The following NRIP1 variants were observed in gnomAD, a reference collection of about 807,000 sequenced individuals.
NRIP1 encodes the protein nuclear receptor-interacting protein 1.
Under a neutral mutation model 75.0 loss-of-function variants are expected in NRIP1, and 28 were observed. The ratio of observed to expected loss-of-function variants is 0.37; its 90% CI spans 0.28 to 0.51. The LOEUF (loss-of-function observed/expected upper bound fraction) is 0.51, where lower values mean the gene tolerates loss of function less well. Among genes scored for constraint, NRIP1 ranks in the 20% least tolerant of loss-of-function variants. The pLI is 0.92. For missense variants in NRIP1, 1,435 were observed against 1,343.7 expected (o/e 1.07, Z -1.06); for synonymous variants, 526 against 487.6 (o/e 1.08, Z -1.04).
chr21:15,047,886 G>A (rs1010982861), intron 1 of NRIP1, among the ~76,000 whole-genome samples: 1 of 152,190 alleles, frequency 6.6e-6, no homozygotes, highest in Admixed American at 6.5e-5. Context: ...CTTCCTCACT[G>A]AGCTTAACCT....
intron 3 of NRIP1, chr21:14,992,726 A>T (rs182533424): frequency 6.6e-6 from 1 of 152,192 alleles, no homozygotes; most frequent in African/African-American, 2.4e-5. Context: ...TGCACTAAAA[A>T]AAAGTCCCTA....
At chr21:14,991,397 A>T (rs568860037) in intron 3 of NRIP1, 1 of 151,616 alleles carries the variant, frequency 6.6e-6, no homozygotes, top group African/African-American at 2.4e-5. Context: ...GCTCAACAAG[A>T]TCCTCTTTGA....
chr21:14,976,003 C>T (rs959100593), intron 3 of NRIP1, among the ~76,000 whole-genome samples: 2 of 152,036 alleles, frequency 1.3e-5, no homozygotes, highest in Non-Finnish European at 2.9e-5. Flanking sequence ...GTGGTATTAT[C>T]CTTCCTACCA....
At chr21:14,979,687 G>GT (rs5842507) in intron 3 of NRIP1, among the ~76,000 whole-genome samples, 57,703 of 151,536 alleles carry the variant, frequency 0.38, 11,544 homozygotes, top group East Asian at 0.6. Context: ...CAGTATGTTT[G>GT]TTTTTTTTAA....
chr21:15,018,412 AG>A (rs2088287493), intron 2 of NRIP1, among the ~76,000 whole-genome samples: 1 of 152,292 alleles, frequency 6.6e-6, no homozygotes, highest in East Asian at 1.9e-4. Context: ...ACAAAGCAAG[AG>A]GTAGAGAGGA....
Position 14,967,906 on chromosome 21 carries a change from G to C in NRIP1, c.287C>G (p.Ala96Gly). The C allele has an allele frequency of 6.2e-7, 1 of 1,614,122 alleles. No individual in the cohort carries two copies. Among genetic ancestry groups the C allele is most frequent in the Non-Finnish European group, 8.5e-7 (1 of 1,180,024 alleles). Residue 96 changes from alanine (A) to glycine (G), a missense_variant, in exon 4 of 4, where the codon GCA becomes GGA. Coordinates refer to ENST00000318948, the MANE Select transcript of NRIP1 (RefSeq NM_003489.4). ...AGAATCAGACAGCCTCTTCCGCTTT[G>C]CTGCATTCCAGTCCTCAGAAGACTG... is the stretch of plus-strand genomic sequence containing the variant. ...LLQSSEDWNA[A>G]KRKRLSDSIM...
chr21:14,966,312 G>C lies in NRIP1; in HGVS notation c.1881C>G (p.Ala627=). 1 of 1,614,066 alleles carries C rather than the reference G, an allele frequency of 6.2e-7. No homozygotes were observed. Among genetic ancestry groups the C allele is most frequent in the Non-Finnish European group, 8.5e-7 (1 of 1,179,974 alleles). The part of the protein sequence containing the change: ...EGAQNSATFS[A]SKLLQNLAQC... ...GTGCTAAATTTTGTAACAGCTTACT[G>C]GCACTAAACGTTGCAGAGTTCTGTG... Residue 627 remains alanine (A), a synonymous_variant, in exon 4 of 4, where the codon GCC becomes GCG. Transcript: ENST00000318948.
intron 2 of NRIP1, among the ~76,000 whole-genome samples, chr21:15,030,944 C>T (rs1326969863): frequency 1.6e-3 from 208 of 127,134 alleles, no homozygotes; most frequent in African/African-American, 5.0e-3. Flanking sequence ...GGAAGGCACT[C>T]AGAGGATCAC....
Position 14,967,805 on chromosome 21 carries a change from T to C in NRIP1, c.388A>G (p.Ser130Gly). The C allele has an allele frequency of 1.9e-6, 3 of 1,614,098 alleles. No homozygotes were observed. The highest frequency in any genetic ancestry group is 2.5e-6 in the Non-Finnish European group (3 of 1,180,012). Residue 130 changes from serine to glycine, a missense_variant, in exon 4 of 4, where the codon AGC (serine) becomes GGC (glycine). Coordinates refer to ENST00000318948, the MANE Select transcript of NRIP1 (RefSeq NM_003489.4). ...TGAAGCAAAGAGGCCAGTAATGTGC[T>C]ATCCTGTTTGCCTTTAGGCACACTG... ...VDSVPKGKQD[S>G]TLLASLLQSF...
intron 3 of NRIP1, among the ~76,000 whole-genome samples, chr21:14,969,890 G>A (rs562043184): frequency 6.6e-6 from 1 of 151,742 alleles, no homozygotes; most frequent in East Asian, 1.9e-4. Context: ...GGAGTAGGAT[G>A]AGAAGAGACT....
intron 3 of NRIP1, among the ~76,000 whole-genome samples, chr21:15,012,434 T>C (rs1485437423): frequency 1.4e-5 from 2 of 146,418 alleles, no homozygotes; most frequent in African/African-American, 5.0e-5. Context: ...TTGTTCACTA[T>C]ACATTATAAT....
At chr21:15,054,191 CTT>C (rs112418649) in intron 1 of NRIP1, among the ~76,000 whole-genome samples, 144 of 152,280 alleles carry the variant, frequency 9.5e-4, no homozygotes, top group African/African-American at 3.4e-3. Flanking sequence ...TTGATACCCT[CTT>C]AACTTTTAAG....
intron 3 of NRIP1, among the ~76,000 whole-genome samples, chr21:14,982,719 GTTT>G (rs10537533): frequency 0.19 from 24,856 of 130,020 alleles, 2,182 homozygotes; most frequent in Admixed American, 0.24. Flanking sequence ...TTTTTTTTTT[GTTT>G]TTTTTTTTTA....
At chr21:15,050,556 C>T (rs968761330) in intron 1 of NRIP1, 7 of 361,840 alleles carry the variant, frequency 1.9e-5, no homozygotes, top group African/African-American at 1.1e-4. Context: ...ATGAACTATA[C>T]TAATGGCATC....
chr21:15,024,077 T>C (rs1193147323), intron 2 of NRIP1, among the ~76,000 whole-genome samples: 1 of 152,212 alleles, frequency 6.6e-6, no homozygotes, highest in East Asian at 1.9e-4. Context: ...AAACAAAATA[T>C]AAGAGGATAT....
At chr21:14,981,440 C>A (rs2087230470) in intron 3 of NRIP1, among the ~76,000 whole-genome samples, 1 of 152,194 alleles carries the variant, frequency 6.6e-6, no homozygotes, top group Non-Finnish European at 1.5e-5. Flanking sequence ...TCTGCCTGTG[C>A]AGCAGGGACA....
At chr21:14,996,481 C>T (rs954661781) in intron 3 of NRIP1, among the ~76,000 whole-genome samples, 4 of 152,212 alleles carry the variant, frequency 2.6e-5, no homozygotes, top group East Asian at 1.9e-4. Flanking sequence ...AAATATCACC[C>T]GCTAAGATAC....
chr21:15,061,141 T>C (rs550696265), intron 1 of NRIP1, among the ~76,000 whole-genome samples: 12 of 152,344 alleles, frequency 7.9e-5, no homozygotes, highest in African/African-American at 2.6e-4. Flanking sequence ...GCATATCTTG[T>C]TGAAAATTTT....
At chr21:15,040,260 T>C (rs1236591085) in intron 2 of NRIP1, among the ~76,000 whole-genome samples, 1 of 152,080 alleles carries the variant, frequency 6.6e-6, no homozygotes, top group Non-Finnish European at 1.5e-5. Flanking sequence ...ATTGAAAGGA[T>C]AACATTTTGC....
Sources: gnomAD v4.1 joint callset for allele counts (sites outside exome capture counted in the v4.1 genomes callset) on GRCh38, gnomAD v4.1.1 for gene constraint, MANE v1.5 for transcripts, NCBI Gene and HGNC (gene_info 2026-07-23, HGNC 2026-07-21) for gene names.